The following TBC1D22A variants were observed in gnomAD, a reference collection of about 807,000 sequenced individuals.
TBC1D22A encodes TBC1 domain family member 22A.
Under a neutral mutation model 60.2 loss-of-function variants are expected in TBC1D22A, and 38 were observed. The ratio of observed to expected loss-of-function variants is 0.63; its 90% confidence interval spans 0.49 to 0.83. The LOEUF is 0.83. Ranked by LOEUF, TBC1D22A falls within the 40% of genes least tolerant of loss-of-function variation. The probability of loss-of-function intolerance (pLI) is 0.00; values close to 1 mark genes in which losing one functional copy is unlikely to be tolerated. For synonymous variants in TBC1D22A, 302 were observed against 281.7 expected (o/e 1.07, Z -0.72); for missense variants, 628 against 701.0 (o/e 0.90, Z 1.18).
At chr22:46,915,521 C>T (rs1285832413) in intron 8 of TBC1D22A, 9 of 456,680 alleles carry the variant, frequency 2.0e-5, no homozygotes, top group East Asian at 1.4e-4. Context: ...GGCACTAGCC[C>T]GGGTGTGGCT....
intron 11 of TBC1D22A, among the ~76,000 whole-genome samples, chr22:47,056,000 T>G (rs976770932): frequency 2.1e-5 from 3 of 146,162 alleles, no homozygotes; most frequent in Non-Finnish European, 4.5e-5. Context: ...CTCCCCATCA[T>G]TGGGACTGTT....
intron 7 of TBC1D22A, among the ~76,000 whole-genome samples, chr22:46,899,670 G>A (rs2068876576): frequency 6.6e-6 from 1 of 152,136 alleles, no homozygotes; most frequent in South Asian, 2.1e-4. Flanking sequence ...ATGGTCCAAG[G>A]TGGCTGGCCT....
At chr22:47,026,447 CA>C (rs2062261091) in intron 10 of TBC1D22A, among the ~76,000 whole-genome samples, 1 of 152,042 alleles carries the variant, frequency 6.6e-6, no homozygotes, top group Non-Finnish European at 1.5e-5. Flanking sequence ...GCATCTAGAC[CA>C]AAAAGGAAGA....
chr22:47,038,938 A>G (rs965467631), intron 11 of TBC1D22A, among the ~76,000 whole-genome samples: 1 of 152,224 alleles, frequency 6.6e-6, no homozygotes, highest in Non-Finnish European at 1.5e-5. Context: ...GTAACATGAC[A>G]GGAAACAAAA....
intron 12 of TBC1D22A, among the ~76,000 whole-genome samples, chr22:47,167,427 A>G (rs954930165): frequency 2.0e-5 from 3 of 152,188 alleles, no homozygotes; most frequent in African/African-American, 7.2e-5. Flanking sequence ...GGCACCCAGC[A>G]GCTTCTTTGC....
At chr22:47,087,045 T>C (rs1476151454) in intron 11 of TBC1D22A, among the ~76,000 whole-genome samples, 4 of 152,230 alleles carry the variant, frequency 2.6e-5, no homozygotes, top group Non-Finnish European at 5.9e-5. Flanking sequence ...CGTCTGCAGC[T>C]AGTGAGCTCT....
intron 9 of TBC1D22A, among the ~76,000 whole-genome samples, chr22:46,978,037 C>T (rs143481331): frequency 1.7e-3 from 259 of 152,340 alleles, no homozygotes; most frequent in African/African-American, 6.0e-3. Flanking sequence ...AGAGGTCCTC[C>T]AGGAGCGAAC....
rs566784344 is a variant in TBC1D22A at position 46,985,570 on chromosome 22, G to A, written c.1125+11171G>A. Among the ~76,000 whole-genome samples, 19 of 152,290 alleles carry A rather than the reference G, an allele frequency of 1.2e-4. 1 individual carries two copies. The South Asian group carries it at 2.9e-3, about 23-fold the overall frequency. On this transcript the variant is annotated intron_variant, in intron 9 of 12. Transcript: ENST00000337137. The stretch of plus-strand genomic sequence containing the variant: ...GTAGCTTTGAAAACCCTAAGAATCC[G>A]TGTCGTTGCCTGAATGAATAGTTGA...
intron 7 of TBC1D22A, among the ~76,000 whole-genome samples, chr22:46,896,793 G>A (rs1025691348): frequency 6.6e-6 from 1 of 152,114 alleles, no homozygotes; most frequent in Admixed American, 6.5e-5. Flanking sequence ...ACCGTGGACT[G>A]GCCAGTCCCA....
intron 11 of TBC1D22A, among the ~76,000 whole-genome samples, chr22:47,066,354 C>G (rs908199462): frequency 6.6e-6 from 1 of 152,104 alleles, no homozygotes; most frequent in African/African-American, 2.4e-5. Context: ...GTGGCGTGTG[C>G]CGGGACGTAC....
At chr22:46,847,914 AGTGGGTGTGTGT>A (rs1368920926) in intron 4 of TBC1D22A, among the ~76,000 whole-genome samples, 7 of 126,670 alleles carry the variant, frequency 5.5e-5, no homozygotes, top group African/African-American at 2.5e-4. Flanking sequence ...AAGGTACCCT[AGTGGGTGTGTGT>A]GTGTGTGTGT....
rs1343650511 is a variant in TBC1D22A at position 47,174,548 on chromosome 22, C to G, written c.*922C>G. 6.6e-6 allele frequency: 1 copy of G among 152,302 alleles called. No individual in the cohort carries two copies. Among genetic ancestry groups the G allele is most frequent in the African/African-American group, 2.4e-5 (1 of 41,460 alleles). The allele number at this position is 152,302 out of a possible 1,614,324, so 9.4% of individuals were successfully genotyped here. On this transcript the variant is annotated 3_prime_UTR_variant, in exon 13 of 13. Transcript: ENST00000337137. Reference sequence around the variant, plus strand: ...AGCGGAATGAGCTTTTGGAGACTTCCTGGGACTTGCTGTCCTTGTCCAGGT... The same window carrying G: ...AGCGGAATGAGCTTTTGGAGACTTCGTGGGACTTGCTGTCCTTGTCCAGGT...
chr22:46,832,166 G>A (rs1007923316), intron 4 of TBC1D22A, among the ~76,000 whole-genome samples: 3 of 152,196 alleles, frequency 2.0e-5, no homozygotes, highest in Non-Finnish European at 4.4e-5. Flanking sequence ...GTATCTGAGA[G>A]ACAGTCCATG....
chr22:46,944,325 A>G (rs1472301765), intron 8 of TBC1D22A, among the ~76,000 whole-genome samples: 4 of 152,192 alleles, frequency 2.6e-5, no homozygotes, highest in African/African-American at 7.2e-5. Flanking sequence ...TTCATCGGCA[A>G]TTACATTTGA....
At chr22:47,150,155 C>T (rs958526946) in intron 12 of TBC1D22A, among the ~76,000 whole-genome samples, 3 of 151,866 alleles carry the variant, frequency 2.0e-5, no homozygotes, top group Admixed American at 2.0e-4. Flanking sequence ...CCACGCGGCA[C>T]GGGGCACAGT....
rs1467104671 is a variant in TBC1D22A, at chr22:47,049,339, CAT to C, written c.1329+12142_1329+12143del. The stretch of plus-strand genomic sequence containing the variant: ...GGAAGTGTGGGAAAGAAGAAGCGGG[CAT>C]GGGCGCTGGGTTCACGTCCACATCA... On this transcript the variant is annotated intron_variant, in intron 11 of 12. Coordinates refer to ENST00000337137, the MANE Select transcript of TBC1D22A (RefSeq NM_014346.5). Among the ~76,000 whole-genome samples, 645 of 152,312 alleles carry C rather than the reference CAT, an allele frequency of 4.2e-3. 5 individuals are homozygous for C. Among genetic ancestry groups the C allele is most frequent in the African/African-American group, 0.015 (621 of 41,574 alleles).
chr22:47,130,759 C>A (rs2066652503), intron 12 of TBC1D22A, among the ~76,000 whole-genome samples: 1 of 152,188 alleles, frequency 6.6e-6, no homozygotes, highest in Non-Finnish European at 1.5e-5. Flanking sequence ...TGGGAAATGT[C>A]CTGAGAATTA....
In TBC1D22A at chr22:47,028,549, C is replaced by A. The variant is rs1201694568; in HGVS notation, c.1202-8522C>A. On this transcript the variant is annotated intron_variant, in intron 10 of 12. Coordinates refer to ENST00000337137, the MANE Select transcript of TBC1D22A (RefSeq NM_014346.5). This position sits in a 1 kb window ranked among gnomAD's most constrained non-coding sequence, Gnocchi z 4.4. Reference sequence around the variant, plus strand: ...CCCAGGTTCTGAGAGTGAGTGGTCGCGTTCCTGTCCCTCGGTCCCTGTCCC... The same window carrying A: ...CCCAGGTTCTGAGAGTGAGTGGTCGAGTTCCTGTCCCTCGGTCCCTGTCCC... Among the ~76,000 whole-genome samples, 2 of 151,884 alleles carry A rather than the reference C, an allele frequency of 1.3e-5. No homozygotes were observed. Among genetic ancestry groups the A allele is most frequent in the Non-Finnish European group, 2.9e-5 (2 of 68,004 alleles).
At chr22:46,892,329 C>A (rs982331760) in intron 6 of TBC1D22A, among the ~76,000 whole-genome samples, 3 of 152,036 alleles carry the variant, frequency 2.0e-5, no homozygotes, top group Admixed American at 1.3e-4. Flanking sequence ...TATGCCTTAC[C>A]TCTGTTACAT....
Sources: gnomAD v4.1 joint callset for allele counts (sites outside exome capture counted in the v4.1 genomes callset) on GRCh38, gnomAD v4.1.1 for gene constraint, Gnocchi (gnomAD v3.1) non-coding constraint, MANE v1.5 for transcripts, NCBI Gene and HGNC (gene_info 2026-07-23, HGNC 2026-07-21) for gene names.